Variants in CACNA1C observed in about 807,000 individuals in gnomAD.
CACNA1C encodes voltage-dependent L-type calcium channel subunit alpha-1C.
A neutral mutation model predicts 229.0 loss-of-function variants in CACNA1C; 30 were observed. The observed-to-expected ratio is 0.13, with a 90% CI of 0.10 to 0.18. The LOEUF is 0.18. CACNA1C is among the 10% of genes least tolerant of loss of function. The pLI is 1.00. For missense variants in CACNA1C, 1,658 were observed against 2,845.0 expected, an observed-to-expected ratio of 0.58 and a Z score of 9.49; for synonymous variants, 1,114 against 1,132.5, an observed-to-expected ratio of 0.98 and a Z score of 0.33.
intron 3 of CACNA1C, among the ~76,000 whole-genome samples, chr12:2,322,158 G>A (rs116225083): frequency 2.6e-5 from 4 of 152,208 alleles, no homozygotes; most frequent in African/African-American, 4.8e-5. Context: ...GTTATTTTCC[G>A]TGCACATGTG....
rs201886753 is a variant in CACNA1C at position 2,111,636 on chromosome 12, AG to A, written c.50-3585del. The stretch of plus-strand genomic sequence containing the variant: ...GCTGGGAATGCCAACAGTTGGGGAC[AG>A]GGCAGCTTTTATGTATCTGAGGGAA... On this transcript the variant is annotated intron_variant, in intron 1 of 46. Transcript: ENST00000399655. Among the ~76,000 whole-genome samples, 639 of 152,288 alleles carry A rather than the reference AG, an allele frequency of 4.2e-3. 8 individuals are homozygous for A. Among genetic ancestry groups the A allele is most frequent in the African/African-American group, 0.014 (590 of 41,552 alleles).
chr12:2,359,778 C>T (rs2097504258), intron 3 of CACNA1C, among the ~76,000 whole-genome samples: 1 of 152,024 alleles, frequency 6.6e-6, no homozygotes, highest in East Asian at 1.9e-4. Flanking sequence ...AGGGTTAGGA[C>T]ATGGAGACTG....
intron 1 of CACNA1C, among the ~76,000 whole-genome samples, chr12:1,973,661 T>C (rs1175178864): frequency 2.0e-5 from 3 of 152,202 alleles, no homozygotes; most frequent in Non-Finnish European, 4.4e-5. Flanking sequence ...GGAATCTTTT[T>C]CATCGTATAC....
At chr12:2,084,802 A>C (rs1276875642) in intron 1 of CACNA1C, among the ~76,000 whole-genome samples, 7 of 152,200 alleles carry the variant, frequency 4.6e-5, no homozygotes, top group Non-Finnish European at 8.8e-5. Context: ...CTTGTCATAT[A>C]AATTGCTGAT....
At chr12:2,558,152 C>A (rs1345049673) in intron 11 of CACNA1C, among the ~76,000 whole-genome samples, 1 of 152,206 alleles carries the variant, frequency 6.6e-6, no homozygotes, top group Non-Finnish European at 1.5e-5. Context: ...CTCCCAGCTC[C>A]TCTCTTGGAC....
chr12:2,351,651 C>T (rs942572299), intron 3 of CACNA1C, among the ~76,000 whole-genome samples: 2 of 152,192 alleles, frequency 1.3e-5, no homozygotes, highest in African/African-American at 4.8e-5. Context: ...TGTCCTTCCC[C>T]AGGGTGTGTC....
intron 1 of CACNA1C, among the ~76,000 whole-genome samples, chr12:2,092,546 G>A (rs2071690197): frequency 6.6e-6 from 1 of 152,182 alleles, no homozygotes; most frequent in East Asian, 1.9e-4. Flanking sequence ...TGGGACAGGT[G>A]GCCCGACTCT....
chr12:2,178,122 G>C (rs974254012), intron 3 of CACNA1C, among the ~76,000 whole-genome samples: 1 of 152,226 alleles, frequency 6.6e-6, no homozygotes, highest in Non-Finnish European at 1.5e-5. Context: ...CCAAGGAAGG[G>C]ATATCAGGAC....
intron 1 of CACNA1C, among the ~76,000 whole-genome samples, chr12:2,112,176 C>T (rs2082022041): frequency 6.6e-6 from 1 of 152,186 alleles, no homozygotes; most frequent in African/African-American, 2.4e-5. Context: ...GTCAGACACT[C>T]CTTTGTCTTC....
Position 2,467,868 on chromosome 12 carries a change from C to G in CACNA1C, c.757+10162C>G, listed in dbSNP as rs996768623. Among the ~76,000 whole-genome samples the G allele has an allele frequency of 6.6e-6, 1 of 152,234 alleles. No individual in the cohort carries two copies. Among genetic ancestry groups the G allele is most frequent in the Non-Finnish European group, 1.5e-5 (1 of 68,038 alleles). The stretch of plus-strand genomic sequence containing the variant: ...ACTCAGAGTCCCGACCCTGCTGCGA[C>G]TTCTCTGTTGCCCTGCCAGGTGCTT... On this transcript the variant is annotated intron_variant, in intron 5 of 46. Coordinates refer to ENST00000399655, the MANE Select transcript of CACNA1C (RefSeq NM_000719.7). This position sits in a 1 kb window ranked among gnomAD's most constrained non-coding sequence, Gnocchi z 4.6.
Position 2,236,313 on chromosome 12 carries a change from C to T in CACNA1C, c.477+115883C>T, listed in dbSNP as rs77013632. Among the ~76,000 whole-genome samples the T allele has an allele frequency of 7.5e-3, 1,146 of 152,242 alleles. 8 individuals are homozygous for T. Among genetic ancestry groups the T allele is most frequent in the Middle Eastern group, 0.024 (7 of 294 alleles). On this transcript the variant is annotated intron_variant, in intron 3 of 46. Transcript: ENST00000399655. ...AATGTCAGTGTGACTGATTGCTGGT[C>T]CACACATTGAGCAGCAGTGCTGTAG...
intron 1 of CACNA1C, among the ~76,000 whole-genome samples, chr12:2,106,000 G>A (rs1487632425): frequency 2.3e-5 from 1 of 42,606 alleles, no homozygotes; most frequent in Non-Finnish European, 5.5e-5. Context: ...GCCACTGGGC[G>A]CCCACCCCGG....
intron 1 of CACNA1C, among the ~76,000 whole-genome samples, chr12:1,996,067 C>A (rs148910262): frequency 1.3e-5 from 2 of 152,150 alleles, no homozygotes; most frequent in African/African-American, 4.8e-5. Flanking sequence ...AAAATTTCAC[C>A]ATTGCAATAC....
chr12:2,384,235 G>C (rs545721920), intron 3 of CACNA1C, among the ~76,000 whole-genome samples: 1 of 152,198 alleles, frequency 6.6e-6, no homozygotes, highest in Admixed American at 6.5e-5. Context: ...TACTGTCTTT[G>C]TGTAAGAGTT....
chr12:2,120,495 G>A, intron 3 of CACNA1C, 65 bp downstream of exon 3: 1 of 914,186 alleles, frequency 1.1e-6, no homozygotes, highest in Non-Finnish European at 1.8e-6. Flanking sequence ...AGATCACATA[G>A]ATGCATGGAA....
rs1010855804 is a variant in CACNA1C, at chr12:2,534,974, A to G, written c.1391-14969A>G. On this transcript the variant is annotated intron_variant, in intron 9 of 46. Transcript: ENST00000399655. ...ACATGATCCTGAGCACTGAACCTCT[A>G]TCCTAAGGGGGCCTGCCTGATACAT... Among the ~76,000 whole-genome samples the G allele has an allele frequency of 2.0e-5, 3 of 152,168 alleles. No homozygotes were observed. The East Asian group carries it at 5.8e-4, about 29-fold the overall frequency.
intron 11 of CACNA1C, among the ~76,000 whole-genome samples, chr12:2,560,450 T>G (rs1214273811): frequency 6.6e-6 from 1 of 152,218 alleles, no homozygotes; most frequent in Non-Finnish European, 1.5e-5. Flanking sequence ...TAGTGGAGGA[T>G]TCCCTTGGTA....
intron 1 of CACNA1C, among the ~76,000 whole-genome samples, chr12:1,985,035 TAAA>T (rs796830744): frequency 7.0e-6 from 1 of 142,448 alleles, no homozygotes; most frequent in Admixed American, 7.1e-5. Context: ...CTTTCAAGAT[TAAA>T]AAAAAAAAAA....
intron 3 of CACNA1C, among the ~76,000 whole-genome samples, chr12:2,375,150 A>T (rs2098009378): frequency 6.6e-6 from 1 of 152,200 alleles, no homozygotes; most frequent in Non-Finnish European, 1.5e-5. Context: ...TGCAGGGCGC[A>T]CTTCTCACAC....
Sources: allele counts gnomAD v4.1 joint callset (sites outside exome capture counted in the v4.1 genomes callset), GRCh38; gene constraint gnomAD v4.1.1; non-coding constraint Gnocchi (gnomAD v3.1); transcripts MANE v1.5; gene names NCBI Gene and HGNC (gene_info 2026-07-23, HGNC 2026-07-21).